The following CD99 variants were observed in gnomAD, a reference collection of about 807,000 sequenced individuals.
CD99 encodes the protein CD99 antigen.
In CD99, 19 loss-of-function variants were observed where a neutral mutation model predicts 28.4. The ratio of observed to expected loss-of-function variants is 0.67; its 90% CI spans 0.47 to 0.98. The LOEUF (loss-of-function observed/expected upper bound fraction) is 0.98. Among genes scored for constraint, CD99 ranks in the 50% least tolerant of loss-of-function variants. CD99 has a pLI of 0.00. For missense variants in CD99, 283 were observed against 248.8 expected (o/e 1.14, Z -0.92); for synonymous variants, 103 against 92.1 (o/e 1.12, Z -0.67).
intron 1 of CD99, chrX:2,691,712 C>G: frequency 1.4e-6 from 1 of 706,998 alleles, no homozygotes; most frequent in Middle Eastern, 2.3e-4. Flanking sequence ...CCGATTTTTC[C>G]CAATCTAGGG....
intron 7 of CD99, among the ~76,000 whole-genome samples, chrX:2,724,225 T>A (rs1226381246): frequency 6.6e-6 from 1 of 152,160 alleles, no homozygotes; most frequent in Non-Finnish European, 1.5e-5. Flanking sequence ...TTCTTGGCCT[T>A]CTAGAGAGTT....
chrX:2,714,287 G>T (rs764434906), intron 1 of CD99, 135 bp from the exon 2 acceptor site: 3 of 648,274 alleles, frequency 4.6e-6, no homozygotes, highest in South Asian at 2.3e-5. Flanking sequence ...GAGAAATCAC[G>T]CACCTTGTAA....
At chrX:2,721,261 A>G (rs756418853) in intron 5 of CD99, among the ~76,000 whole-genome samples, 7 of 151,718 alleles carry the variant, frequency 4.6e-5, no homozygotes, top group South Asian at 2.1e-4. Context: ...TTTGATGGCT[A>G]TTTGTGCTAG....
At position 2,714,422 on chromosome X, in the gene CD99, A is replaced by G. The variant is rs200399605; in HGVS notation, c.68A>G (p.Asp23Gly). 3.5e-5 allele frequency: 56 copies of G among 1,597,304 alleles called. 1 individual carries two copies. In the East Asian group the frequency reaches 8.9e-4, roughly 26 times the overall value. ...GLLGVLVAAP[D>G]GGFDLSDALP... is the part of the protein sequence containing the mutation. ...AGTTGACTCTTTTTTTCTCTCTTAG[A>G]TGGTGGTTTCGATTTATCCGATGCC... The change falls in exon 2 of 10, where the codon GAT becomes GGT. Residue 23 changes from aspartate to glycine, a missense_variant and splice_region_variant. Asp to Gly is a moderately conservative substitution (Grantham distance 94). Coordinates refer to ENST00000381192, the MANE Select transcript of CD99 (RefSeq NM_002414.5).
At chrX:2,719,550 A>G in intron 3 of CD99, 111 bp from the exon 4 acceptor site, 1 of 861,286 alleles carries the variant, frequency 1.2e-6, no homozygotes, top group Non-Finnish European at 2.0e-6. Flanking sequence ...TGATATTCAG[A>G]AAAGTATTTA....
intron 1 of CD99, among the ~76,000 whole-genome samples, chrX:2,709,461 G>T (rs1163867304): frequency 3.3e-5 from 5 of 152,224 alleles, no homozygotes; most frequent in Admixed American, 2.0e-4. Flanking sequence ...GTGCACTTGT[G>T]CACATATACA....
chrX:2,706,892 C>T (rs1340648654), intron 1 of CD99, among the ~76,000 whole-genome samples: 1 of 151,886 alleles, frequency 6.6e-6, no homozygotes, highest in African/African-American at 2.4e-5. Flanking sequence ...GCGATCTCGG[C>T]TCACTGCAAC....
At chrX:2,720,477 T>C (rs1603281608) in intron 5 of CD99, 53 bp downstream of exon 5, 9 of 1,538,274 alleles carry the variant, frequency 5.9e-6, no homozygotes, top group African/African-American at 2.7e-5. Context: ...AATTCAGCGA[T>C]ATTTATGTCA....
intron 2 of CD99, among the ~76,000 whole-genome samples, chrX:2,716,217 T>C (rs755713767): frequency 6.4e-4 from 98 of 152,216 alleles, no homozygotes; most frequent in African/African-American, 1.9e-3. Context: ...CGGGGTTTCA[T>C]AATGTTGGTC....
In CD99 at chrX:2,703,204, C is replaced by T. The variant is rs765470831; in HGVS notation, c.68-11218C>T. Among the ~76,000 whole-genome samples the T allele has an allele frequency of 4.6e-5, 7 of 152,268 alleles. No homozygotes were observed. The South Asian group carries it at 1.5e-3, about 32-fold the overall frequency. ...GTTCTTTGCAAGGTCTATTTGGTGT[C>T]CCGTGTTTTGTGTTTTCGTGCTTTT... On this transcript the variant is annotated intron_variant, in intron 1 of 9. Transcript: ENST00000381192.
intron 9 of CD99, 135 bp from the exon 10 acceptor site, chrX:2,740,644 T>C: frequency 1.4e-6 from 1 of 731,660 alleles, no homozygotes; most frequent in Non-Finnish European, 2.3e-6. Context: ...AGGGTTTTGC[T>C]TTCTCGTGAT....
intron 1 of CD99, among the ~76,000 whole-genome samples, chrX:2,709,421 C>G (rs1395787040): frequency 6.6e-6 from 1 of 152,252 alleles, no homozygotes; most frequent in Non-Finnish European, 1.5e-5. Flanking sequence ...CACGCAGACA[C>G]ATGAACAAAT....
At chrX:2,717,389 CTG>C (rs1400415394) in intron 2 of CD99, 2 of 561,444 alleles carry the variant, frequency 3.6e-6, no homozygotes, top group East Asian at 2.9e-5. Flanking sequence ...CTCCTGGTCT[CTG>C]TGGAAACCAT....
intron 1 of CD99, among the ~76,000 whole-genome samples, chrX:2,694,059 CCCCTGCAGTTA>C (rs2047454560): frequency 6.6e-6 from 1 of 152,180 alleles, no homozygotes; most frequent in Non-Finnish European, 1.5e-5. Context: ...TTCAGGGCTG[CCCCTGCAGTTA>C]GGAGCCTGCC....
chrX:2,718,372 T>TC (rs200091228), intron 3 of CD99, among the ~76,000 whole-genome samples: 10 of 148,966 alleles, frequency 6.7e-5, no homozygotes, highest in East Asian at 3.9e-4. Flanking sequence ...TTTCTTTCTT[T>TC]TTTTTTTTTT....
At chrX:2,699,117 T>TC (rs374795802) in intron 1 of CD99, among the ~76,000 whole-genome samples, 1 of 150,184 alleles carries the variant, frequency 6.7e-6, no homozygotes, top group African/African-American at 2.5e-5. Context: ...TTTGTTTTTT[T>TC]CTTTTCTTTC....
chrX:2,714,725 A>AT, intron 2 of CD99: 1 of 345,022 alleles, frequency 2.9e-6, no homozygotes. Context: ...GAAGTGGGGC[A>AT]CGTGCTGTTG....
At chrX:2,733,482 C>T in intron 8 of CD99, 1 of 1,209,180 alleles carries the variant, frequency 8.3e-7, no homozygotes, top group Non-Finnish European at 1.2e-6. Context: ...TCCCCTCGCC[C>T]TGCTGGCAAA....
intron 8 of CD99, chrX:2,727,230 A>T (rs1014610107): frequency 1.3e-6 from 1 of 754,630 alleles, no homozygotes; most frequent in African/African-American, 1.7e-5. Flanking sequence ...AGTTTCTTGG[A>T]TCGGGACTAA....
Sources: allele counts gnomAD v4.1 joint callset (sites outside exome capture counted in the v4.1 genomes callset), GRCh38; gene constraint gnomAD v4.1.1; transcripts MANE v1.5; gene names NCBI Gene and HGNC (gene_info 2026-07-23, HGNC 2026-07-21).